NAV3: variants seen among roughly 807,000 people sequenced by gnomAD.
NAV3 encodes neuron navigator 3, also known as pore membrane and/or filament interacting like protein 1.
Under a neutral mutation model 244.7 loss-of-function variants are expected in NAV3, and 87 were observed. That is an observed-to-expected ratio of 0.36 (90% CI 0.30 to 0.42). NAV3 has a LOEUF of 0.42. Ranked by LOEUF, NAV3 falls within the 20% of genes least tolerant of loss-of-function variation. The probability of loss-of-function intolerance (pLI) is 1.00; values close to 1 mark genes in which losing one functional copy is unlikely to be tolerated. For synonymous variants in NAV3, 1,126 were observed against 1,042.2 expected, an observed-to-expected ratio of 1.08 and a Z score of -1.55; for missense variants, 2,663 against 2,893.3, an observed-to-expected ratio of 0.92 and a Z score of 1.83.
intron 1 of NAV3, among the ~76,000 whole-genome samples, chr12:77,929,430 A>G (rs1012583975): frequency 6.6e-6 from 1 of 152,114 alleles, no homozygotes; most frequent in Non-Finnish European, 1.5e-5. Context: ...TTGAGTGTCT[A>G]CTAAGTGGGA....
chr12:78,021,565 A>G (rs1877153611), intron 8 of NAV3, among the ~76,000 whole-genome samples, 182 bp from the exon 9 acceptor site: 1 of 152,158 alleles, frequency 6.6e-6, no homozygotes, highest in Non-Finnish European at 1.5e-5. Flanking sequence ...ACTCCCACTT[A>G]GGTTGTGTAT....
chr12:77,709,816 A>G (rs1227180835), intron 2 of NAV3, among the ~76,000 whole-genome samples: 1 of 152,184 alleles, frequency 6.6e-6, no homozygotes, highest in Non-Finnish European at 1.5e-5. Flanking sequence ...TGCCTGGCAT[A>G]GAGTAGATAC....
At chr12:77,742,927 G>A (rs926575068) in intron 2 of NAV3, among the ~76,000 whole-genome samples, 3 of 151,978 alleles carry the variant, frequency 2.0e-5, no homozygotes, top group African/African-American at 7.2e-5. Context: ...ATCATGTTTA[G>A]TGCAATACTG....
chr12:77,622,394 T>A lies in NAV3; in HGVS notation c.72+50128T>A, dbSNP rs973531102. 3.3e-5 allele frequency among the ~76,000 whole-genome samples: 5 copies of A among 151,968 alleles called. No individual in the cohort carries two copies. The South Asian group carries it at 6.2e-4, about 19-fold the overall frequency. On this transcript the variant is annotated intron_variant, in intron 2 of 8. Transcript: ENST00000550042. ...CAGGATGGTCTCGATCTCCTGACCT[T>A]GTGATCTGCCCGCCTCAGCCTTCCA...
chr12:77,783,170 C>G (rs1477399627), intron 2 of NAV3: 1 of 151,840 alleles, frequency 6.6e-6, no homozygotes. Flanking sequence ...CCAGTACTGG[C>G]TATAGATTCC....
intron 1 of NAV3, among the ~76,000 whole-genome samples, chr12:77,854,103 A>G (rs1053327646): frequency 5.3e-5 from 8 of 152,198 alleles, no homozygotes; most frequent in African/African-American, 1.9e-4. Flanking sequence ...TTCCACACAC[A>G]ATATGAATTT....
chr12:77,654,400 G>A (rs886852486), intron 2 of NAV3, among the ~76,000 whole-genome samples: 2 of 152,198 alleles, frequency 1.3e-5, no homozygotes, highest in African/African-American at 4.8e-5. Context: ...CGAGGCTGGG[G>A]GAGGGGTGCC....
chr12:77,987,109 A>G (rs1163210505), intron 5 of NAV3, among the ~76,000 whole-genome samples: 1 of 152,128 alleles, frequency 6.6e-6, no homozygotes, highest in Non-Finnish European at 1.5e-5. Flanking sequence ...TTTAAATATT[A>G]TTTCTCTGTC....
intron 2 of NAV3, among the ~76,000 whole-genome samples, chr12:77,582,542 T>A (rs1403563964): frequency 6.6e-6 from 1 of 152,192 alleles, no homozygotes; most frequent in Non-Finnish European, 1.5e-5. Flanking sequence ...TATTAATTGT[T>A]AGGAAAATGT....
intron 2 of NAV3, among the ~76,000 whole-genome samples, chr12:77,789,695 A>G (rs1219937794): frequency 6.6e-6 from 1 of 151,918 alleles, no homozygotes; most frequent in Admixed American, 6.6e-5. Context: ...CTGTAATCTC[A>G]GCTACTTGGG....
chr12:77,649,627 G>A (rs1225612190), intron 2 of NAV3, among the ~76,000 whole-genome samples: 2 of 152,086 alleles, frequency 1.3e-5, no homozygotes, highest in Non-Finnish European at 2.9e-5. Context: ...CATGTTTACT[G>A]TAACATTATT....
intron 2 of NAV3, among the ~76,000 whole-genome samples, chr12:77,702,472 GT>G (rs1875604940): frequency 6.6e-6 from 1 of 151,924 alleles, no homozygotes; most frequent in African/African-American, 2.4e-5. Flanking sequence ...CTGGAAATAA[GT>G]TTACCATCTT....
chr12:77,660,065 T>A (rs1259515026), intron 2 of NAV3, among the ~76,000 whole-genome samples: 1 of 151,994 alleles, frequency 6.6e-6, no homozygotes, highest in Non-Finnish European at 1.5e-5. Context: ...CATATGTAAC[T>A]AACCTGCACA....
chr12:77,592,261 G>A (rs970523268), intron 2 of NAV3, among the ~76,000 whole-genome samples: 1 of 152,194 alleles, frequency 6.6e-6, no homozygotes. Context: ...GCCACCTAGA[G>A]AGGGCTTTGC....
At chr12:78,139,382 A>G (rs944746704) in intron 19 of NAV3, among the ~76,000 whole-genome samples, 11 of 152,094 alleles carry the variant, frequency 7.2e-5, no homozygotes, top group African/African-American at 2.2e-4. Flanking sequence ...ACAGTACTCT[A>G]TTGTAAATAT....
Position 78,199,480 on chromosome 12 carries a change from C to T in NAV3, c.6664C>T (p.His2222Tyr), listed in dbSNP as rs1157189592. The change falls in exon 37 of 40, where the codon CAT becomes TAT. Residue 2222 changes from histidine to tyrosine, a missense_variant. By Grantham distance (83) the His-to-Tyr change is moderately conservative. Around this residue, in one of 6 missense-constraint regions of NAV3, gnomAD observed 543 missense variants for 672.4 expected, o/e 0.81. Transcript: ENST00000397909. ...TATAGATTGGATTCCGAAGACGTGG[C>T]ATCATCTCAACAGTTTTTTGGAAAC... ...KIIDWIPKTW[H>Y]HLNSFLETHS... 6.2e-7 allele frequency: 1 copy of T among 1,607,752 alleles called. No homozygotes were observed. Among genetic ancestry groups the T allele is most frequent in the Non-Finnish European group, 8.5e-7 (1 of 1,177,700 alleles).
upstream of NAV3, among the ~76,000 whole-genome samples, chr12:77,825,986 C>A (rs1872975675): frequency 6.6e-6 from 1 of 151,964 alleles, no homozygotes; most frequent in Non-Finnish European, 1.5e-5. Flanking sequence ...ATGATACACC[C>A]CTACTCCTGA....
chr12:78,013,308 T>A (rs1416477879), intron 8 of NAV3, among the ~76,000 whole-genome samples: 1 of 152,134 alleles, frequency 6.6e-6, no homozygotes, highest in East Asian at 1.9e-4. Context: ...AAAATGCAGC[T>A]GGAAGTGTAA....
chr12:77,920,574 G>A (rs770333452), intron 1 of NAV3, among the ~76,000 whole-genome samples: 14 of 151,942 alleles, frequency 9.2e-5, no homozygotes, highest in Non-Finnish European at 1.5e-4. Context: ...AAATTAAAAT[G>A]CATTTTTAGC....
Sources: allele counts gnomAD v4.1 joint callset (sites outside exome capture counted in the v4.1 genomes callset), GRCh38; gene constraint gnomAD v4.1.1; regional missense constraint gnomAD v4.1.1; transcripts MANE v1.5; gene names NCBI Gene and HGNC (gene_info 2026-07-23, HGNC 2026-07-21).